Variants in CCBE1 observed in about 807,000 individuals in gnomAD.
The protein encoded by CCBE1 is collagen and calcium-binding EGF domain-containing protein 1.
Under a neutral mutation model 50.0 loss-of-function variants are expected in CCBE1, and 37 were observed. That is an observed-to-expected ratio of 0.74 (90% CI 0.57 to 0.97). The LOEUF (loss-of-function observed/expected upper bound fraction) is 0.97. CCBE1 is among the 50% of genes least tolerant of loss of function. The pLI, the probability that CCBE1 is intolerant of heterozygous loss-of-function variation, is 0.00. For missense variants in CCBE1, 538 were observed against 523.8 expected, an observed-to-expected ratio of 1.03 and a Z score of -0.26; for synonymous variants, 234 against 203.7, an observed-to-expected ratio of 1.15 and a Z score of -1.27.
intron 2 of CCBE1, among the ~76,000 whole-genome samples, chr18:59,515,040 T>A (rs1914308510): frequency 6.6e-6 from 1 of 152,200 alleles, no homozygotes; most frequent in African/African-American, 2.4e-5. Context: ...TTTAGCTATC[T>A]CCAAAGATGA....
In CCBE1 at chr18:59,696,722, G is replaced by C; in HGVS notation, c.132-13C>G. On this transcript the variant is annotated splice_polypyrimidine_tract_variant and intron_variant, in intron 1 of 10. Coordinates refer to ENST00000439986, the MANE Select transcript of CCBE1 (RefSeq NM_133459.4). ...TGAGCAGATTTCTCTATGAAAAAGTGCAGAGGAAATGTTCGATTCTCAGCG... is the reference window on the plus strand; with the variant it reads ...TGAGCAGATTTCTCTATGAAAAAGTCCAGAGGAAATGTTCGATTCTCAGCG... 6.2e-7 allele frequency: 1 copy of C among 1,613,186 alleles called. No individual in the cohort carries two copies. Among genetic ancestry groups the C allele is most frequent in the Non-Finnish European group, 8.5e-7 (1 of 1,179,420 alleles).
intron 5 of CCBE1, among the ~76,000 whole-genome samples, chr18:59,459,909 G>A (rs1911379663): frequency 2.0e-5 from 3 of 152,312 alleles, no homozygotes; most frequent in Admixed American, 1.3e-4. Context: ...ATGGATTAGT[G>A]GAGCTTGAAA....
chr18:59,557,691 T>G (rs1407142974), intron 2 of CCBE1, among the ~76,000 whole-genome samples: 3 of 152,164 alleles, frequency 2.0e-5, no homozygotes, highest in Non-Finnish European at 4.4e-5. Flanking sequence ...AATGGGGAAC[T>G]TCTAGGGGGG....
intron 2 of CCBE1, among the ~76,000 whole-genome samples, chr18:59,522,992 T>TC (rs1459752144): frequency 7.4e-5 from 2 of 27,068 alleles, no homozygotes; most frequent in African/African-American, 6.0e-4. Context: ...AGACTCTGTT[T>TC]CAAAAAAAAA....
chr18:59,518,385 G>A (rs1914462745), intron 2 of CCBE1, among the ~76,000 whole-genome samples: 1 of 152,164 alleles, frequency 6.6e-6, no homozygotes, highest in Admixed American at 6.5e-5. Context: ...TAGCTACTTG[G>A]GAGGCTGTGG....
chr18:59,615,652 G>T (rs2053626684), intron 2 of CCBE1, among the ~76,000 whole-genome samples: 1 of 152,128 alleles, frequency 6.6e-6, no homozygotes, highest in African/African-American at 2.4e-5. Flanking sequence ...TTATCAATAT[G>T]ATACTTGGCA....
At chr18:59,684,991 C>T (rs1373702560) in intron 2 of CCBE1, among the ~76,000 whole-genome samples, 1 of 151,914 alleles carries the variant, frequency 6.6e-6, no homozygotes, top group Admixed American at 6.6e-5. Context: ...GTAGATGTCC[C>T]ATCATACCAT....
chr18:59,609,008 A>G (rs2053537077), intron 2 of CCBE1, among the ~76,000 whole-genome samples: 1 of 152,192 alleles, frequency 6.6e-6, no homozygotes, highest in Non-Finnish European at 1.5e-5. Flanking sequence ...GAAACCCAAC[A>G]GACTTGAGTT....
intron 2 of CCBE1, among the ~76,000 whole-genome samples, chr18:59,684,630 A>G (rs572095525): frequency 6.6e-6 from 1 of 152,318 alleles, no homozygotes; most frequent in Admixed American, 6.5e-5. Context: ...ATGCAGTTGC[A>G]TTTCCTTTTA....
chr18:59,516,487 C>T (rs1375854125), intron 2 of CCBE1, among the ~76,000 whole-genome samples: 5 of 152,194 alleles, frequency 3.3e-5, no homozygotes, highest in Non-Finnish European at 5.9e-5. Context: ...TTTGTTGTTG[C>T]AACAGGACCT....
rs78785496 is a variant in CCBE1 at position 59,675,995 on chromosome 18, A to G, written c.212+20634T>C. 9.7e-3 allele frequency among the ~76,000 whole-genome samples: 1,475 copies of G among 152,322 alleles called. 30 individuals carry two copies. The highest frequency in any genetic ancestry group is 0.034 in the African/African-American group (1,411 of 41,560). On this transcript the variant is annotated intron_variant, in intron 2 of 10. Transcript: ENST00000439986. ...AACTACATCCCCCCGCCCTACCTTCATAGGCCATCTCCAGAAGCAAACAGT... is the reference window on the plus strand; with the variant it reads ...AACTACATCCCCCCGCCCTACCTTCGTAGGCCATCTCCAGAAGCAAACAGT...
intron 2 of CCBE1, among the ~76,000 whole-genome samples, chr18:59,514,946 G>A (rs963293866): frequency 4.6e-5 from 7 of 152,150 alleles, no homozygotes; most frequent in African/African-American, 9.7e-5. Flanking sequence ...GCCAGGTTCC[G>A]ACACACATGG....
Position 59,469,386 on chromosome 18 carries a change from A to G in CCBE1, c.400+87T>C, listed in dbSNP as rs574034352. On this transcript the variant is annotated intron_variant, in intron 4 of 10. Transcript: ENST00000439986. ...TCAAACACAACTCCATCCAACAAGT[A>G]TGAGAACTGAAGGGTCCAACCAAGG... The G allele has an allele frequency of 6.5e-6, 10 of 1,548,328 alleles. No homozygotes were observed. In the Admixed American group the frequency reaches 8.3e-5, roughly 13 times the overall value.
chr18:59,490,205 G>T (rs185004444), intron 2 of CCBE1, among the ~76,000 whole-genome samples: 18 of 151,844 alleles, frequency 1.2e-4, no homozygotes, highest in African/African-American at 4.4e-4. Flanking sequence ...GGCTCGTCTC[G>T]AACTGCTGAC....
At chr18:59,505,939 G>A (rs752047812) in intron 2 of CCBE1, among the ~76,000 whole-genome samples, 6 of 152,218 alleles carry the variant, frequency 3.9e-5, no homozygotes, top group Non-Finnish European at 8.8e-5. Flanking sequence ...ACAAATATGT[G>A]GGCAGGGTGT....
intron 2 of CCBE1, among the ~76,000 whole-genome samples, chr18:59,564,481 A>C (rs929008537): frequency 1.8e-4 from 28 of 152,224 alleles, no homozygotes; most frequent in African/African-American, 6.8e-4. Context: ...CATGGTCATT[A>C]AACCATTTCT....
At chr18:59,538,617 A>T (rs1028485200) in intron 2 of CCBE1, among the ~76,000 whole-genome samples, 1 of 152,214 alleles carries the variant, frequency 6.6e-6, no homozygotes, top group Non-Finnish European at 1.5e-5. Flanking sequence ...GGAAAAAAAA[A>T]TGCCTGACGT....
intron 2 of CCBE1, among the ~76,000 whole-genome samples, chr18:59,546,982 A>T (rs1002633906): frequency 6.8e-6 from 1 of 146,122 alleles, no homozygotes; most frequent in African/African-American, 2.5e-5. Context: ...TGAGAATTAC[A>T]TGGGGTTTAA....
chr18:59,661,608 A>G (rs2054286757), intron 2 of CCBE1, among the ~76,000 whole-genome samples: 1 of 152,190 alleles, frequency 6.6e-6, no homozygotes, highest in Non-Finnish European at 1.5e-5. Context: ...TCTGGCCACA[A>G]TATTCTCAAC....
Sources: allele counts gnomAD v4.1 joint callset (sites outside exome capture counted in the v4.1 genomes callset), GRCh38; gene constraint gnomAD v4.1.1; transcripts MANE v1.5; gene names NCBI Gene and HGNC (gene_info 2026-07-23, HGNC 2026-07-21).